Variants in CSGALNACT1 observed in about 807,000 individuals in gnomAD.
CSGALNACT1 encodes the protein chondroitin sulfate N-acetylgalactosaminyltransferase 1.
Under a neutral mutation model 51.0 loss-of-function variants are expected in CSGALNACT1, and 52 were observed. The observed-to-expected ratio is 1.02, with a 90% CI of 0.82 to 1.29. The LOEUF (loss-of-function observed/expected upper bound fraction) is 1.29. Ranked by LOEUF, CSGALNACT1 falls within the 50% of genes most tolerant of loss-of-function variation. The pLI, the probability that CSGALNACT1 is intolerant of heterozygous loss-of-function variation, is 0.00. For synonymous variants in CSGALNACT1, 341 were observed against 254.4 expected (o/e 1.34, Z -3.24); for missense variants, 935 against 679.2 (o/e 1.38, Z -4.19).
intron 3 of CSGALNACT1, among the ~76,000 whole-genome samples, chr8:19,561,781 C>T (rs1311969670): frequency 1.3e-5 from 2 of 152,110 alleles, no homozygotes; most frequent in African/African-American, 4.8e-5. Flanking sequence ...TGGCAGTGAA[C>T]CAATAGTGAG....
intron 1 of CSGALNACT1, among the ~76,000 whole-genome samples, chr8:19,646,678 G>T (rs1385302055): frequency 6.6e-6 from 1 of 152,134 alleles, no homozygotes; most frequent in Non-Finnish European, 1.5e-5. Context: ...GTTGGCACAT[G>T]TTATTAATAC....
intron 1 of CSGALNACT1, among the ~76,000 whole-genome samples, chr8:19,661,704 C>G (rs1156914497): frequency 6.6e-6 from 1 of 152,188 alleles, no homozygotes; most frequent in East Asian, 1.9e-4. Context: ...ATTCTGTTCA[C>G]ATGGGAGGAT....
chr8:19,754,592 T>G (rs1364879868), intron 1 of CSGALNACT1, among the ~76,000 whole-genome samples: 1 of 152,264 alleles, frequency 6.6e-6, no homozygotes, highest in African/African-American at 2.4e-5. Context: ...TACATCTCTT[T>G]TAAGCCCTTA....
chr8:19,590,075 G>C (rs2154132150), intron 3 of CSGALNACT1, among the ~76,000 whole-genome samples: 1 of 152,272 alleles, frequency 6.6e-6, no homozygotes, highest in South Asian at 2.1e-4. Context: ...AGGTTGAAAT[G>C]TCATCTTATT....
chr8:19,480,812 A>G (rs1036313078), intron 4 of CSGALNACT1, among the ~76,000 whole-genome samples: 10 of 152,110 alleles, frequency 6.6e-5, no homozygotes, highest in African/African-American at 2.4e-4. Flanking sequence ...TGCCTTTAAG[A>G]TTAGAAGCCA....
At chr8:19,749,256 T>C (rs1184764976) in intron 1 of CSGALNACT1, among the ~76,000 whole-genome samples, 1 of 151,902 alleles carries the variant, frequency 6.6e-6, no homozygotes, top group Admixed American at 6.6e-5. Flanking sequence ...TTCATTTTAA[T>C]ACACTGTATT....
upstream of CSGALNACT1, among the ~76,000 whole-genome samples, chr8:19,602,971 T>C (rs972985102): frequency 1.3e-5 from 2 of 151,314 alleles, no homozygotes; most frequent in Admixed American, 6.6e-5. Flanking sequence ...GTATTTGCTA[T>C]TTTTATATAT....
chr8:19,499,926 A>T (rs2076130594), intron 4 of CSGALNACT1, among the ~76,000 whole-genome samples: 1 of 152,090 alleles, frequency 6.6e-6, no homozygotes, highest in South Asian at 2.1e-4. Flanking sequence ...AGACTGGGCC[A>T]CTCTTTTCTC....
intron 1 of CSGALNACT1, among the ~76,000 whole-genome samples, chr8:19,635,464 G>A (rs750557939): frequency 4.6e-5 from 7 of 152,134 alleles, no homozygotes; most frequent in East Asian, 1.9e-4. Flanking sequence ...CTGAACCGCC[G>A]CATACATGTG....
intron 1 of CSGALNACT1, among the ~76,000 whole-genome samples, chr8:19,646,126 A>G (rs2057253331): frequency 6.6e-6 from 1 of 152,246 alleles, no homozygotes; most frequent in Non-Finnish European, 1.5e-5. Context: ...GAAGATTGGC[A>G]GTGATGGGAA....
intron 1 of CSGALNACT1, among the ~76,000 whole-genome samples, chr8:19,626,934 G>A (rs73214651): frequency 0.013 from 1,919 of 152,272 alleles, 23 homozygotes; most frequent in Middle Eastern, 0.024. Flanking sequence ...GAGGAACTGG[G>A]TCCCTCACAC....
intron 1 of CSGALNACT1, among the ~76,000 whole-genome samples, chr8:19,644,413 A>T (rs1280844953): frequency 6.6e-6 from 1 of 151,516 alleles, no homozygotes; most frequent in Non-Finnish European, 1.5e-5. Context: ...TCAAAAAAAA[A>T]AAAAGGTAAT....
intron 1 of CSGALNACT1, among the ~76,000 whole-genome samples, chr8:19,644,709 C>CAAAAAAAAA (rs756025465): frequency 4.5e-5 from 1 of 22,292 alleles, no homozygotes; most frequent in African/African-American, 1.3e-4. Flanking sequence ...GACTCCGTCT[C>CAAAAAAAAA]AAAAAAAAAA....
chr8:19,702,023 G>A (rs900478441), intron 1 of CSGALNACT1, among the ~76,000 whole-genome samples: 3 of 152,152 alleles, frequency 2.0e-5, no homozygotes, highest in Non-Finnish European at 4.4e-5. Flanking sequence ...GATTCTTACA[G>A]GTCTGGCAAA....
intron 4 of CSGALNACT1, among the ~76,000 whole-genome samples, chr8:19,497,872 T>C (rs1213852706): frequency 1.3e-5 from 2 of 152,166 alleles, no homozygotes; most frequent in African/African-American, 4.8e-5. Flanking sequence ...CTCAAAAGAA[T>C]ACAGCCATTT....
chr8:19,631,079 A>G (rs1338668001), intron 1 of CSGALNACT1, among the ~76,000 whole-genome samples: 2 of 152,180 alleles, frequency 1.3e-5, no homozygotes, highest in Non-Finnish European at 2.9e-5. Flanking sequence ...TGACCACACC[A>G]CTGTTGGTCT....
At chr8:19,635,219 C>G (rs770883736) in intron 1 of CSGALNACT1, among the ~76,000 whole-genome samples, 1 of 152,176 alleles carries the variant, frequency 6.6e-6, no homozygotes, top group East Asian at 1.9e-4. Flanking sequence ...CTCCTGAGCC[C>G]ACACTGGTGG....
At chr8:19,627,715 C>T (rs773627742) in intron 1 of CSGALNACT1, among the ~76,000 whole-genome samples, 8 of 152,202 alleles carry the variant, frequency 5.3e-5, no homozygotes, top group Middle Eastern at 3.4e-3. Flanking sequence ...GTCCCAGCTA[C>T]GTTGGAGGCT....
intron 4 of CSGALNACT1, among the ~76,000 whole-genome samples, chr8:19,460,161 G>T (rs907554061): frequency 6.6e-6 from 1 of 152,116 alleles, no homozygotes; most frequent in Non-Finnish European, 1.5e-5. Flanking sequence ...AAAAGCTTTT[G>T]GGTTATACAG....
Sources: gnomAD v4.1 joint callset for allele counts (sites outside exome capture counted in the v4.1 genomes callset) on GRCh38, gnomAD v4.1.1 for gene constraint, MANE v1.5 for transcripts, NCBI Gene and HGNC (gene_info 2026-07-23, HGNC 2026-07-21) for gene names.